SETBP1: variants seen among roughly 807,000 people sequenced by gnomAD.
SETBP1 encodes the protein SET-binding protein.
A neutral mutation model predicts 101.0 loss-of-function variants in SETBP1; 9 were observed. That is an observed-to-expected ratio of 0.09 (90% CI 0.05 to 0.16). The LOEUF (loss-of-function observed/expected upper bound fraction) is 0.16. SETBP1 is among the 10% of genes least tolerant of loss of function. SETBP1 has a pLI of 1.00. For missense variants in SETBP1, 1,858 were observed against 2,033.8 expected, an observed-to-expected ratio of 0.91 and a Z score of 1.66; for synonymous variants, 818 against 788.5, an observed-to-expected ratio of 1.04 and a Z score of -0.63.
chr18:44,751,403 G>C (rs2070377691), intron 2 of SETBP1, among the ~76,000 whole-genome samples: 1 of 152,208 alleles, frequency 6.6e-6, no homozygotes, highest in African/African-American at 2.4e-5. Context: ...GAGGTTATCA[G>C]ATCAGCAAGG....
At chr18:44,695,327 C>T (rs193231181) in intron 1 of SETBP1, among the ~76,000 whole-genome samples, 112 of 152,258 alleles carry the variant, frequency 7.4e-4, no homozygotes, top group South Asian at 2.5e-3. Context: ...CCAAAAGGCT[C>T]ATTATGTTCC....
chr18:45,053,310 T>C (rs1412164840), intron 5 of SETBP1, among the ~76,000 whole-genome samples: 1 of 152,154 alleles, frequency 6.6e-6, no homozygotes, highest in Non-Finnish European at 1.5e-5. Context: ...CTCCAGAGAG[T>C]GATCAAAATG....
chr18:45,023,277 T>C (rs1439010213), intron 4 of SETBP1, among the ~76,000 whole-genome samples: 1 of 152,242 alleles, frequency 6.6e-6, no homozygotes, highest in Non-Finnish European at 1.5e-5. Flanking sequence ...GTCACCTCCA[T>C]AAATCTCTAG....
At chr18:45,025,859 G>A (rs1402726792) in intron 4 of SETBP1, among the ~76,000 whole-genome samples, 1 of 152,140 alleles carries the variant, frequency 6.6e-6, no homozygotes, top group African/African-American at 2.4e-5. Context: ...CATAAAAGGT[G>A]AGGACATGTT....
chr18:44,947,102 A>T (rs552658376), intron 3 of SETBP1, among the ~76,000 whole-genome samples: 1 of 152,274 alleles, frequency 6.6e-6, no homozygotes, highest in Admixed American at 6.5e-5. Context: ...AGAAGGGGAG[A>T]CAGGCATTTA....
intron 2 of SETBP1, among the ~76,000 whole-genome samples, chr18:44,781,350 C>A (rs1408291329): frequency 2.0e-5 from 3 of 152,124 alleles, no homozygotes; most frequent in African/African-American, 7.2e-5. Flanking sequence ...AGATTTCACA[C>A]ATGGTATTCT....
At chr18:44,787,651 G>C (rs1229841907) in intron 2 of SETBP1, among the ~76,000 whole-genome samples, 1 of 148,846 alleles carries the variant, frequency 6.7e-6, no homozygotes, top group Non-Finnish European at 1.5e-5. Context: ...TCAGGAGATC[G>C]AGACCATCCT....
At chr18:44,906,974 T>A (rs2033468396) in intron 3 of SETBP1, among the ~76,000 whole-genome samples, 1 of 152,208 alleles carries the variant, frequency 6.6e-6, no homozygotes, top group African/African-American at 2.4e-5. Context: ...TTCCAGATCA[T>A]TTTCATCACC....
At position 45,063,774 on chromosome 18, in the gene SETBP1, A is replaced by T. The variant is rs1229447080; in HGVS notation, c.*76A>T. On this transcript the variant is annotated 3_prime_UTR_variant, in exon 6 of 6. Coordinates refer to ENST00000649279, the MANE Select transcript of SETBP1 (RefSeq NM_015559.3). ...GCGCAGTGAGCCGGGGCGGGGGCGG[A>T]ATCCCCCGCTGCAGGGACACCCACG... The T allele has an allele frequency of 1.3e-6, 2 of 1,486,102 alleles. No individual in the cohort carries two copies. The allele number at this position is 1,486,102 out of a possible 1,614,324, so 92.1% of individuals were successfully genotyped here. A position where few individuals can be genotyped will look rare whatever the true frequency, so the allele number is the denominator to read the frequency against.
chr18:44,718,365 G>T (rs1293120230), intron 2 of SETBP1, among the ~76,000 whole-genome samples: 2 of 152,180 alleles, frequency 1.3e-5, no homozygotes, highest in Non-Finnish European at 2.9e-5. Context: ...GTCACCAAAA[G>T]CTGCAGATCC....
Position 44,933,656 on chromosome 18 carries a change from G to C in SETBP1, c.541-16225G>C. ...TACTCAAGCCTCAGCAATGGCAGAC[G>C]CCCCTCCCCAGCCTTGCTGCAGCCT... is the stretch of plus-strand genomic sequence containing the variant. On this transcript the variant is annotated intron_variant, in intron 3 of 5. Coordinates refer to ENST00000649279, the MANE Select transcript of SETBP1 (RefSeq NM_015559.3). Among the ~76,000 whole-genome samples, 2 of 152,264 alleles carry C rather than the reference G, an allele frequency of 1.3e-5. 1 individual carries two copies. The highest frequency in any genetic ancestry group is 1.3e-4 in the Admixed American group (2 of 15,302).
At chr18:45,028,869 T>C (rs1401757664) in intron 4 of SETBP1, among the ~76,000 whole-genome samples, 2 of 152,348 alleles carry the variant, frequency 1.3e-5, no homozygotes, top group African/African-American at 2.4e-5. Flanking sequence ...TTTGTTTTTT[T>C]CTTGTAAATT....
chr18:44,730,491 G>T (rs571503226), intron 2 of SETBP1, among the ~76,000 whole-genome samples: 1 of 152,204 alleles, frequency 6.6e-6, no homozygotes, highest in African/African-American at 2.4e-5. Context: ...GAGGAACCTC[G>T]CTCTTTTCTT....
At chr18:44,964,514 A>G (rs1406045480) in intron 4 of SETBP1, among the ~76,000 whole-genome samples, 2 of 152,188 alleles carry the variant, frequency 1.3e-5, no homozygotes, top group Admixed American at 6.5e-5. Flanking sequence ...TGAGGTCCCA[A>G]TGGCAAGGAC....
intron 3 of SETBP1, among the ~76,000 whole-genome samples, chr18:44,939,138 T>C (rs1046330534): frequency 6.6e-6 from 1 of 151,970 alleles, no homozygotes; most frequent in Non-Finnish European, 1.5e-5. Flanking sequence ...TCAAAGAGTA[T>C]CAACAAATGT....
chr18:44,877,159 G>C, intron 3 of SETBP1: 3 of 978,246 alleles, frequency 3.1e-6, no homozygotes, highest in South Asian at 9.5e-5. Context: ...GCCACAGCTG[G>C]CCTGTCAAGT....
At chr18:44,720,951 G>A (rs1453876500) in intron 2 of SETBP1, among the ~76,000 whole-genome samples, 14 of 137,996 alleles carry the variant, frequency 1.0e-4, no homozygotes, top group Admixed American at 9.4e-4. Context: ...GAAGGAATGT[G>A]CAGAGAGATG....
chr18:44,875,976 C>T (rs1568195055), intron 3 of SETBP1, among the ~76,000 whole-genome samples: 2 of 152,184 alleles, frequency 1.3e-5, no homozygotes, highest in Non-Finnish European at 2.9e-5. Context: ...GCTGCACCTT[C>T]GTTTTTGAAG....
chr18:44,936,429 A>C (rs1226528672), intron 3 of SETBP1, among the ~76,000 whole-genome samples: 1 of 152,158 alleles, frequency 6.6e-6, no homozygotes, highest in Non-Finnish European at 1.5e-5. Context: ...CTCCACACTA[A>C]TTTACCTCTC....
Sources: gnomAD v4.1 joint callset for allele counts (sites outside exome capture counted in the v4.1 genomes callset) on GRCh38, gnomAD v4.1.1 for gene constraint, MANE v1.5 for transcripts, NCBI Gene and HGNC (gene_info 2026-07-23, HGNC 2026-07-21) for gene names.